Variants in LITAF observed in about 807,000 individuals in gnomAD.
LITAF encodes lipopolysaccharide-induced tumor necrosis factor-alpha factor.
A neutral mutation model predicts 14.5 loss-of-function variants in LITAF; 9 were observed. The observed-to-expected ratio is 0.62, with a 90% CI of 0.37 to 1.08. The LOEUF (loss-of-function observed/expected upper bound fraction) is 1.08. LITAF is among the 50% of genes least tolerant of loss of function. The pLI is 0.01. For missense variants in LITAF, 206 were observed against 213.4 expected, an observed-to-expected ratio of 0.97 and a Z score of 0.22; for synonymous variants, 98 against 88.2, an observed-to-expected ratio of 1.11 and a Z score of -0.62.
chr16:11,615,643 G>A (rs989063049), intron 3 of LITAF, among the ~76,000 whole-genome samples: 1 of 152,162 alleles, frequency 6.6e-6, no homozygotes, highest in Non-Finnish European at 1.5e-5. Flanking sequence ...ACTCCAGCCT[G>A]GGAGACAGAG....
At chr16:11,561,504 G>A (rs1176012645) in intron 1 of LITAF, 1 of 152,178 alleles carries the variant, frequency 6.6e-6, no homozygotes, top group African/African-American at 2.4e-5. Flanking sequence ...CTTATCTTCT[G>A]GGATTTCGAG....
At chr16:11,578,803 T>A (rs904532783) in intron 1 of LITAF, among the ~76,000 whole-genome samples, 1 of 152,190 alleles carries the variant, frequency 6.6e-6, no homozygotes, top group Non-Finnish European at 1.5e-5. Flanking sequence ...TTCTACAGAA[T>A]CCCTCATCTT....
At chr16:11,565,216 G>A (rs1271046529) in intron 1 of LITAF, among the ~76,000 whole-genome samples, 1 of 151,442 alleles carries the variant, frequency 6.6e-6, no homozygotes, top group Non-Finnish European at 1.5e-5. Context: ...CCTAATAGCT[G>A]GGATTACAGG....
rs144171237 is a variant in LITAF at position 11,553,836 on chromosome 16, T to G, written c.221-147A>C. ...ATAGCATGCGTTCATCGTCTGGCTA[T>G]CTATGAGAGCCAAAAGGGGAAGGAA... On this transcript the variant is annotated intron_variant, in intron 2 of 3. Transcript: ENST00000622633. This position sits in a 1 kb window ranked among gnomAD's most constrained non-coding sequence, Gnocchi z 7.7. The G allele has an allele frequency of 1.9e-3, 1,658 of 894,098 alleles. 24 individuals carry two copies. The African/African-American group carries it at 0.025, about 13-fold the overall frequency. 55.4% of individuals were successfully genotyped at this position (894,098 alleles called of 1,614,324 possible). A position where few individuals can be genotyped will look rare whatever the true frequency, so the allele number is the denominator to read the frequency against.
chr16:11,567,698 T>A (rs2064474790), intron 1 of LITAF, among the ~76,000 whole-genome samples: 1 of 151,544 alleles, frequency 6.6e-6, no homozygotes, highest in African/African-American at 2.4e-5. Context: ...AAGAGGGTAG[T>A]TCCAGGCCGG....
chr16:11,578,821 T>C (rs2064685237), intron 1 of LITAF, among the ~76,000 whole-genome samples: 1 of 152,122 alleles, frequency 6.6e-6, no homozygotes, highest in Non-Finnish European at 1.5e-5. Flanking sequence ...CTTCAAAAAG[T>C]ATCTAGGTTA....
At chr16:11,609,946 G>A (rs946795671) in intron 3 of LITAF, among the ~76,000 whole-genome samples, 2 of 152,062 alleles carry the variant, frequency 1.3e-5, no homozygotes, top group African/African-American at 4.8e-5. Context: ...CAGGCCCAGA[G>A]GTCCCCGCCT....
In LITAF at chr16:11,605,205, G is replaced by C. The variant is rs1304011409; in HGVS notation, c.85+28328C>G. ...CTCAGCATCCCCCCAGCCAGCTCTG[G>C]ATGGAGGATGAGCTGAATTACGCAC... On this transcript the variant is annotated intron_variant, in intron 3 of 3. Coordinates refer to the LITAF transcript ENST00000574848. This position sits in a 1 kb window ranked among gnomAD's most constrained non-coding sequence, Gnocchi z 4.7. Among the ~76,000 whole-genome samples, 2 of 152,180 alleles carry C rather than the reference G, an allele frequency of 1.3e-5. No homozygotes were observed. Among genetic ancestry groups the C allele is most frequent in the East Asian group, 1.9e-4 (1 of 5,198 alleles).
At position 11,608,855 on chromosome 16, in the gene LITAF, C is replaced by T. The variant is rs145908934; in HGVS notation, c.85+24678G>A. 1.6e-4 allele frequency among the ~76,000 whole-genome samples: 24 copies of T among 152,148 alleles called. No individual in the cohort carries two copies. The East Asian group carries it at 1.9e-3, about 12-fold the overall frequency. On this transcript the variant is annotated intron_variant, in intron 3 of 3. Transcript: ENST00000574848. Reference sequence around the variant, plus strand: ...CCGCATGTCTCTAGTCTCAGCTACTCGGGAGGCCGAGGCATGAGAATCTCT... The same window carrying T: ...CCGCATGTCTCTAGTCTCAGCTACTTGGGAGGCCGAGGCATGAGAATCTCT...
intron 3 of LITAF, among the ~76,000 whole-genome samples, chr16:11,623,045 G>A (rs2065061419): frequency 6.6e-6 from 1 of 151,046 alleles, no homozygotes; most frequent in Admixed American, 6.6e-5. Flanking sequence ...CTCACTGCAA[G>A]CTCCGCCTCC....
At chr16:11,565,453 G>C (rs902590897) in intron 1 of LITAF, among the ~76,000 whole-genome samples, 2 of 134,788 alleles carry the variant, frequency 1.5e-5, no homozygotes, top group Non-Finnish European at 3.2e-5. Flanking sequence ...GGGCGGGGGG[G>C]TGGGGGGAGG....
At chr16:11,585,170 T>C (rs2064788697) in intron 1 of LITAF, among the ~76,000 whole-genome samples, 1 of 150,752 alleles carries the variant, frequency 6.6e-6, no homozygotes, top group South Asian at 2.1e-4. Flanking sequence ...GGGTTAGAGG[T>C]TGCAGTGAGC....
intron 2 of LITAF, chr16:11,635,785 G>A (rs921708413): frequency 6.6e-6 from 1 of 152,188 alleles, no homozygotes; most frequent in African/African-American, 2.4e-5. Context: ...GCTTTCCTCT[G>A]TGGGACATAC....
intron 1 of LITAF, among the ~76,000 whole-genome samples, chr16:11,584,943 C>T (rs2141838661): frequency 6.6e-6 from 1 of 152,304 alleles, no homozygotes; most frequent in Non-Finnish European, 1.5e-5. Flanking sequence ...TGAGGTAGTT[C>T]ACACCTGTAA....
chr16:11,571,829 G>A (rs536539311), intron 1 of LITAF, among the ~76,000 whole-genome samples: 7 of 152,294 alleles, frequency 4.6e-5, no homozygotes, highest in East Asian at 1.9e-4. Context: ...CAAGCACGGT[G>A]GCTCATGCCT....
upstream of LITAF, among the ~76,000 whole-genome samples, chr16:11,636,955 C>T (rs1029487717): frequency 1.3e-5 from 2 of 151,922 alleles, no homozygotes; most frequent in Admixed American, 1.3e-4. Context: ...CTGCAGCCTC[C>T]GCCTCCCAGG....
rs1013335827 is a variant in LITAF, at chr16:11,632,296, G to A, written c.85+1237C>T. Among the ~76,000 whole-genome samples, 6 of 152,230 alleles carry A rather than the reference G, an allele frequency of 3.9e-5. No homozygotes were observed. The highest frequency in any genetic ancestry group is 7.4e-5 in the Non-Finnish European group (5 of 68,018). ...CGTGGGGAACAGGATTAGGCAATCC[G>A]CTGGCCCCTCCCCACATGGACTGAG... On this transcript the variant is annotated intron_variant, in intron 3 of 3. Coordinates refer to the LITAF transcript ENST00000574848. The surrounding 1 kb of genome is among the most constrained non-coding windows in gnomAD (Gnocchi z 4.8).
chr16:11,566,204 C>T (rs558597990), intron 1 of LITAF, among the ~76,000 whole-genome samples: 28 of 152,232 alleles, frequency 1.8e-4, no homozygotes, highest in Middle Eastern at 3.4e-3. Context: ...TCATAGACCC[C>T]ATAAGAGCAG....
At chr16:11,600,273 G>C (rs527758038), upstream of LITAF, among the ~76,000 whole-genome samples, 1 of 152,144 alleles carries the variant, frequency 6.6e-6, no homozygotes, top group Non-Finnish European at 1.5e-5. This position sits in a 1 kb window ranked among gnomAD's most constrained non-coding sequence, Gnocchi z 4.1. Context: ...CACTGCATTC[G>C]GCCACATTTG....
Sources: gnomAD v4.1 joint callset for allele counts (sites outside exome capture counted in the v4.1 genomes callset) on GRCh38, gnomAD v4.1.1 for gene constraint, Gnocchi (gnomAD v3.1) non-coding constraint, MANE v1.5 for transcripts, NCBI Gene and HGNC (gene_info 2026-07-23, HGNC 2026-07-21) for gene names.